TUSC3: variants seen among roughly 807,000 people sequenced by gnomAD.
The protein encoded by TUSC3 is dolichyl-diphosphooligosaccharide--protein glycosyltransferase subunit TUSC3.
A neutral mutation model predicts 44.8 loss-of-function variants in TUSC3; 45 were observed. That is an observed-to-expected ratio of 1.00 (90% confidence interval 0.79 to 1.29). The LOEUF (loss-of-function observed/expected upper bound fraction) is 1.29. TUSC3 is among the 50% of genes most tolerant of loss of function. TUSC3 has a pLI of 0.00. For synonymous variants in TUSC3, 212 were observed against 152.9 expected, an observed-to-expected ratio of 1.39 and a Z score of -2.85; for missense variants, 519 against 437.9, an observed-to-expected ratio of 1.19 and a Z score of -1.65.
At chr8:15,525,608 C>A (rs1053999429) in intron 2 of TUSC3, among the ~76,000 whole-genome samples, 1 of 152,102 alleles carries the variant, frequency 6.6e-6, no homozygotes, top group African/African-American at 2.4e-5. Context: ...AGTTTGAGAA[C>A]TGCTGTAGTA....
At chr8:15,507,482 T>G (rs891116298) in intron 2 of TUSC3, among the ~76,000 whole-genome samples, 1 of 152,172 alleles carries the variant, frequency 6.6e-6, no homozygotes, top group Non-Finnish European at 1.5e-5. Flanking sequence ...AAAAGCATCT[T>G]TTTTTGTATT....
intron 1 of TUSC3, among the ~76,000 whole-genome samples, chr8:15,570,246 C>T (rs1485756186): frequency 8.2e-5 from 12 of 145,946 alleles, no homozygotes. Flanking sequence ...TTAAAGCAAC[C>T]TTGTTTTATA....
At chr8:15,593,652 CTCA>C (rs554650840) in intron 1 of TUSC3, among the ~76,000 whole-genome samples, 72 of 152,224 alleles carry the variant, frequency 4.7e-4, no homozygotes, top group African/African-American at 1.7e-3. Flanking sequence ...TAATTTTTCC[CTCA>C]TAAGTCTGTT....
chr8:15,773,896 T>G, the TUSC3 span, among the ~76,000 whole-genome samples: 1 of 152,138 alleles, frequency 6.6e-6, no homozygotes, highest in African/African-American at 2.4e-5. Flanking sequence ...TACATAAAAG[T>G]AACTCAAAAT....
At chr8:15,598,332 C>T (rs1804150707) in intron 1 of TUSC3, among the ~76,000 whole-genome samples, 1 of 151,934 alleles carries the variant, frequency 6.6e-6, no homozygotes, top group Non-Finnish European at 1.5e-5. Context: ...TTTAGATTCA[C>T]AGCAAAGTTG....
chr8:15,592,623 G>C (rs1803888355), intron 1 of TUSC3, among the ~76,000 whole-genome samples: 1 of 152,162 alleles, frequency 6.6e-6, no homozygotes, highest in African/African-American at 2.4e-5. Context: ...GCTTCCTGAG[G>C]CCTCATCAGA....
At chr8:15,520,898 A>G (rs1449914137) in intron 2 of TUSC3, among the ~76,000 whole-genome samples, 1 of 152,206 alleles carries the variant, frequency 6.6e-6, no homozygotes. Context: ...ACCCTTAACA[A>G]TGAAATGACA....
chr8:15,628,936 G>A (rs1201956451), intron 2 of TUSC3, among the ~76,000 whole-genome samples: 1 of 152,198 alleles, frequency 6.6e-6, no homozygotes, highest in Non-Finnish European at 1.5e-5. Flanking sequence ...AAAGTTGGAT[G>A]AGGGTCAGAG....
the TUSC3 span, among the ~76,000 whole-genome samples, chr8:15,839,087 T>A: frequency 1.3e-5 from 2 of 152,260 alleles, no homozygotes; most frequent in Admixed American, 1.3e-4. Context: ...CCTTGTAAGT[T>A]GGATTCCTAG....
the TUSC3 span, among the ~76,000 whole-genome samples, chr8:15,774,624 G>C: frequency 6.6e-6 from 1 of 152,126 alleles, no homozygotes; most frequent in Non-Finnish European, 1.5e-5. Flanking sequence ...CATCCATTTT[G>C]TGGTACTTTG....
At chr8:15,851,872 C>T in the TUSC3 span, among the ~76,000 whole-genome samples, 43 of 152,230 alleles carry the variant, frequency 2.8e-4, no homozygotes, top group East Asian at 6.6e-3. Context: ...TGGGAGATAA[C>T]TGAATCATTG....
chr8:15,714,082 T>C (rs1421245), intron 6 of TUSC3, among the ~76,000 whole-genome samples: 51,779 of 151,972 alleles, frequency 0.34, 9,030 homozygotes, highest in East Asian at 0.47. Flanking sequence ...GAACAACTTA[T>C]AGTAACATCT....
chr8:15,848,862 T>C, the TUSC3 span, among the ~76,000 whole-genome samples: 1 of 152,220 alleles, frequency 6.6e-6, no homozygotes, highest in Non-Finnish European at 1.5e-5. Flanking sequence ...TCTCAGGTGC[T>C]TCCTCTTTTA....
At chr8:15,550,555 G>C (rs1802025444) in intron 1 of TUSC3, among the ~76,000 whole-genome samples, 1 of 151,374 alleles carries the variant, frequency 6.6e-6, no homozygotes, top group Admixed American at 6.6e-5. Flanking sequence ...ATGCTGTCAG[G>C]GTCTTACCCT....
chr8:15,848,249 A>C, the TUSC3 span, among the ~76,000 whole-genome samples: 1 of 152,152 alleles, frequency 6.6e-6, no homozygotes, highest in Non-Finnish European at 1.5e-5. Flanking sequence ...ACAGTTCCCC[A>C]GGTGGCCTTG....
chr8:15,496,703 T>A (rs1411669143), intron 2 of TUSC3, among the ~76,000 whole-genome samples: 1 of 152,172 alleles, frequency 6.6e-6, no homozygotes, highest in Admixed American at 6.5e-5. Context: ...AAGAAGCATC[T>A]ACATCACCTC....
chr8:15,724,882 C>G (rs532934780), intron 6 of TUSC3, among the ~76,000 whole-genome samples: 4 of 152,028 alleles, frequency 2.6e-5, no homozygotes. Context: ...AGATAATCAC[C>G]CATGTTTCCT....
At chr8:15,675,059 G>A (rs4831759) in intron 6 of TUSC3, among the ~76,000 whole-genome samples, 42,276 of 151,668 alleles carry the variant, frequency 0.28, 6,074 homozygotes, top group Non-Finnish European at 0.3. Context: ...TCACCTTACA[G>A]TATGCTACAT....
chr8:15,768,527 C>T (rs1182159105), downstream of TUSC3, among the ~76,000 whole-genome samples: 1 of 152,008 alleles, frequency 6.6e-6, no homozygotes, highest in African/African-American at 2.4e-5. Flanking sequence ...CTTCAACCTA[C>T]TCAAAGAGCT....
Sources: allele counts gnomAD v4.1 joint callset (sites outside exome capture counted in the v4.1 genomes callset), GRCh38; gene constraint gnomAD v4.1.1; transcripts MANE v1.5; gene names NCBI Gene and HGNC (gene_info 2026-07-23, HGNC 2026-07-21).